INO80D: variants seen among roughly 807,000 people sequenced by gnomAD.
INO80D encodes the protein INO80 complex subunit D.
INO80D carries 21 observed loss-of-function variants against 87.6 expected under a neutral mutation model. The observed-to-expected ratio is 0.24, with a 90% confidence interval of 0.17 to 0.35. INO80D has a LOEUF of 0.35. INO80D is among the 10% of genes least tolerant of loss of function. The pLI is 1.00. For synonymous variants in INO80D, 440 were observed against 491.0 expected, an observed-to-expected ratio of 0.90 and a Z score of 1.37; for missense variants, 982 against 1,280.7, an observed-to-expected ratio of 0.77 and a Z score of 3.56.
intron 1 of INO80D, among the ~76,000 whole-genome samples, chr2:206,083,878 G>T: frequency 7.5e-6 from 1 of 132,458 alleles, no homozygotes. Flanking sequence ...AAAAAAAAAA[G>T]GAAAAAACCA....
chr2:206,005,369 T>A lies in INO80D; in HGVS notation c.2083A>T (p.Thr695Ser), dbSNP rs761445619. ...TGTATTCCTGAAGCTCCAGTACCTG[T>A]GGAGAACACCCCTATTCCTCTATCT... ...LSDRGIGVFS[T>S]GTGASGIQSL... The change falls in exon 11 of 11, where the codon ACA (threonine) becomes TCA (serine). Residue 695 changes from threonine to serine, a missense_variant. By Grantham distance (58) the Thr-to-Ser change is moderately conservative. Transcript: ENST00000403263. 9.3e-6 allele frequency: 15 copies of A among 1,613,896 alleles called. No homozygotes were observed. Among genetic ancestry groups the A allele is most frequent in the Non-Finnish European group, 1.3e-5 (15 of 1,179,904 alleles).
rs940316137 is a variant in INO80D, at chr2:205,993,906, G to A, written c.*10462C>T. 5.3e-5 allele frequency: 8 copies of A among 152,130 alleles called. No homozygotes were observed. Among genetic ancestry groups the A allele is most frequent in the African/African-American group, 1.9e-4 (8 of 41,416 alleles). The allele number at this position is 152,130 out of a possible 1,614,324, so 9.4% of individuals were successfully genotyped here. A position where few individuals can be genotyped will look rare whatever the true frequency, so the allele number is the denominator to read the frequency against. ...CCTTAAACAAATTAAACAAGGACCA[G>A]ATAACAAAAGGAGACCAATTCATTA... On this transcript the variant is annotated 3_prime_UTR_variant, in exon 11 of 11. Transcript: ENST00000403263.
chr2:206,029,019 C>T (rs529799482), intron 5 of INO80D, among the ~76,000 whole-genome samples: 2 of 152,014 alleles, frequency 1.3e-5, no homozygotes, highest in Non-Finnish European at 2.9e-5. Flanking sequence ...TCATGAGTAG[C>T]TGGGACTACA....
chr2:206,042,246 A>G (rs1689069782), intron 5 of INO80D, among the ~76,000 whole-genome samples: 1 of 152,168 alleles, frequency 6.6e-6, no homozygotes, highest in Non-Finnish European at 1.5e-5. Flanking sequence ...ATTAGAAAAC[A>G]ATAAAGATCT....
chr2:206,014,243 T>C (rs1241416234), intron 8 of INO80D, among the ~76,000 whole-genome samples: 2 of 152,176 alleles, frequency 1.3e-5, no homozygotes, highest in Non-Finnish European at 2.9e-5. Context: ...AATATGTAAT[T>C]GTAATATGTA....
chr2:206,043,083 T>C (rs1450787948), intron 5 of INO80D, among the ~76,000 whole-genome samples: 1 of 152,248 alleles, frequency 6.6e-6, no homozygotes, highest in East Asian at 1.9e-4. Context: ...AGTTTTCTTT[T>C]AAAAACTCAA....
At chr2:206,052,633 GA>G (rs761669934) in intron 4 of INO80D, among the ~76,000 whole-genome samples, 14 of 150,370 alleles carry the variant, frequency 9.3e-5, no homozygotes, top group African/African-American at 2.7e-4. Flanking sequence ...CAAAAAATCT[GA>G]AAAAAAAATT....
At chr2:206,025,562 T>TATATATATATATAA (rs1688593812) in intron 6 of INO80D, 2 of 126,864 alleles carry the variant, frequency 1.6e-5, no homozygotes, top group Admixed American at 1.0e-4. Context: ...TATATATATA[T>TATATATATATATAA]ATATATAAAA....
In INO80D at chr2:206,005,040, G is replaced by A. The variant is rs772909871; in HGVS notation, c.2412C>T (p.Ser804=). ...SQRPHPAQLL[S]KADDLITSRQ... The stretch of plus-strand genomic sequence containing the variant: ...GTGAGGTGATTAGGTCATCTGCCTT[G>A]CTCAGCAGCTGGGCAGGATGTGGCC... The change falls in exon 11 of 11, where the codon AGC becomes AGT. Residue 804 remains serine (S), a synonymous_variant. Transcript: ENST00000403263. 6.2e-7 allele frequency: 1 copy of A among 1,613,978 alleles called. No individual in the cohort carries two copies. Among genetic ancestry groups the A allele is most frequent in the Non-Finnish European group, 8.5e-7 (1 of 1,179,880 alleles).
chr2:206,024,812 G>GTGGCACAA, intron 6 of INO80D, among the ~76,000 whole-genome samples: 1 of 152,144 alleles, frequency 6.6e-6, no homozygotes, highest in South Asian at 2.1e-4. Flanking sequence ...CTGGAATGCA[G>GTGGCACAA]TGGCACAATC....
chr2:206,070,957 T>A (rs1021166496), intron 1 of INO80D, among the ~76,000 whole-genome samples: 2 of 150,850 alleles, frequency 1.3e-5, no homozygotes, highest in African/African-American at 4.9e-5. Context: ...GAAACTGTTC[T>A]AAAATTTTAA....
chr2:206,053,502 T>C (rs1689430686), intron 4 of INO80D, among the ~76,000 whole-genome samples: 1 of 152,172 alleles, frequency 6.6e-6, no homozygotes, highest in African/African-American at 2.4e-5. Context: ...TTAACTTTTG[T>C]ATTTTAATCA....
chr2:206,052,001 A>G (rs1404587085), intron 4 of INO80D, among the ~76,000 whole-genome samples: 2 of 152,160 alleles, frequency 1.3e-5, no homozygotes, highest in Non-Finnish European at 1.5e-5. Context: ...TTTATTTGAG[A>G]ATATTCTTGT....
intron 5 of INO80D, among the ~76,000 whole-genome samples, chr2:206,036,298 T>C (rs547323616): frequency 6.6e-6 from 1 of 152,272 alleles, no homozygotes; most frequent in African/African-American, 2.4e-5. Context: ...CACACATTTA[T>C]AGTAGCACAA....
At position 206,028,122 on chromosome 2, in the gene INO80D, G is replaced by A. The variant is rs970460483; in HGVS notation, c.1287C>T (p.Cys429=). The A allele has an allele frequency of 1.3e-5, 20 of 1,541,934 alleles. No individual in the cohort carries two copies. Among genetic ancestry groups the A allele is most frequent in the Non-Finnish European group, 1.7e-5 (19 of 1,139,644 alleles). The change falls in exon 6 of 11, where the codon TGC becomes TGT. Residue 429 remains cysteine, a synonymous_variant. Coordinates refer to ENST00000403263, the MANE Select transcript of INO80D (RefSeq NM_017759.5). ...GCTGTGGCTCTAACCTGGTTCGACT[G>A]CATGCAGCTCTCCGCAGTTCTTGTA... is the stretch of plus-strand genomic sequence containing the variant. ...QLIQELRRAA[C]SRTSISRTKL... is the part of the protein sequence containing the mutation.
chr2:206,020,351 T>C (rs1164804728), intron 6 of INO80D, among the ~76,000 whole-genome samples: 1 of 152,156 alleles, frequency 6.6e-6, no homozygotes, highest in Non-Finnish European at 1.5e-5. Context: ...AAACCACTTA[T>C]ATACAGTATA....
intron 6 of INO80D, chr2:206,025,528 C>CAAAAAAAAAAAAAAAAAAAAA (rs71410856): frequency 5.5e-5 from 3 of 54,510 alleles, no homozygotes; most frequent in African/African-American, 1.4e-4. Flanking sequence ...AACTCCATCT[C>CAAAAAAAAAAAAAAAAAAAAA]AAAAAAAAAA....
In INO80D at chr2:205,999,567, TA is replaced by T. The variant is rs1687869531; in HGVS notation, c.*4800del. 1 of 151,338 alleles carries T rather than the reference TA, an allele frequency of 6.6e-6. No individual in the cohort carries two copies. The highest frequency in any genetic ancestry group is 1.5e-5 in the Non-Finnish European group (1 of 67,732). 9.4% of individuals were successfully genotyped at this position (151,338 alleles called of 1,614,324 possible). ...GCAGAGAAAAACTAACAAAAAAAAA[TA>T]AGGGCTGAAGTGAAAACAGAATTTT... is the stretch of plus-strand genomic sequence containing the variant. On this transcript the variant is annotated 3_prime_UTR_variant, in exon 11 of 11. Transcript: ENST00000403263.
rs1391809240 is a variant in INO80D, at chr2:206,003,550, TTC to T, written c.*816_*817del. The T allele has an allele frequency of 6.6e-6, 1 of 152,228 alleles. No homozygotes were observed. The highest frequency in any genetic ancestry group is 1.5e-5 in the Non-Finnish European group (1 of 68,056). 9.4% of individuals were successfully genotyped at this position (152,228 alleles called of 1,614,324 possible). ...CTGACGGGAATCCAAGCTTTCTATG[TTC>T]TGTTTCTTCTTGGGCTAACTTTTAG... On this transcript the variant is annotated 3_prime_UTR_variant, in exon 11 of 11. Coordinates refer to ENST00000403263, the MANE Select transcript of INO80D (RefSeq NM_017759.5).
Sources: gnomAD v4.1 joint callset for allele counts (sites outside exome capture counted in the v4.1 genomes callset) on GRCh38, gnomAD v4.1.1 for gene constraint, MANE v1.5 for transcripts, NCBI Gene and HGNC (gene_info 2026-07-23, HGNC 2026-07-21) for gene names.